Variants in NALCN observed in about 807,000 individuals in gnomAD.
NALCN encodes sodium leak channel, non-selective.
A neutral mutation model predicts 225.3 loss-of-function variants in NALCN; 111 were observed. The ratio of observed to expected loss-of-function variants is 0.49; its 90% CI spans 0.42 to 0.58. NALCN has a LOEUF of 0.58. Ranked by LOEUF, NALCN falls within the 20% of genes least tolerant of loss-of-function variation. NALCN has a pLI of 0.00. For missense variants in NALCN, 1,378 were observed against 2,202.4 expected, an observed-to-expected ratio of 0.63 and a Z score of 7.49; for synonymous variants, 764 against 769.0, an observed-to-expected ratio of 0.99 and a Z score of 0.11.
chr13:101,176,046 AATTAACTAT>A (rs1477114745), intron 15 of NALCN, among the ~76,000 whole-genome samples: 2 of 152,228 alleles, frequency 1.3e-5, no homozygotes, highest in Non-Finnish European at 2.9e-5. Flanking sequence ...CTCCAAATCC[AATTAACTAT>A]ACTCTGCCCA....
intron 11 of NALCN, among the ~76,000 whole-genome samples, chr13:101,253,874 T>C (rs2042133948): frequency 1.5e-5 from 2 of 135,984 alleles, no homozygotes; most frequent in Admixed American, 1.4e-4. Flanking sequence ...AGAAAGAGTT[T>C]GCCAAACCCT....
chr13:101,065,928 C>A (rs1252884851), intron 39 of NALCN, among the ~76,000 whole-genome samples: 1 of 152,122 alleles, frequency 6.6e-6, no homozygotes, highest in Non-Finnish European at 1.5e-5. Flanking sequence ...ACTGAGTGGG[C>A]CATAATGTAC....
intron 17 of NALCN, among the ~76,000 whole-genome samples, chr13:101,127,808 A>G (rs935451459): frequency 6.6e-6 from 1 of 152,232 alleles, no homozygotes; most frequent in Non-Finnish European, 1.5e-5. Context: ...TAAATAAAGA[A>G]GGCCTATAGT....
At chr13:101,062,171 A>G in intron 40 of NALCN, 53 bp from the exon 41 acceptor site, 1 of 1,584,384 alleles carries the variant, frequency 6.3e-7, no homozygotes, top group South Asian at 1.1e-5. Flanking sequence ...TGAGATTTAC[A>G]CCCTTAGATA....
At chr13:101,294,281 T>C (rs1179345689) in intron 7 of NALCN, among the ~76,000 whole-genome samples, 1 of 152,208 alleles carries the variant, frequency 6.6e-6, no homozygotes, top group Non-Finnish European at 1.5e-5. Context: ...GTGATTATAG[T>C]TAACAACAAT....
rs1030200055 is a variant in NALCN at position 101,314,093 on chromosome 13, T to C, written c.800-21727A>G. ...ATCAAACACCGCATGTTCTCACTCA[T>C]AGGTGGGAATTGAACAATGAGAACA... On this transcript the variant is annotated intron_variant, in intron 7 of 43. Transcript: ENST00000251127. Among the ~76,000 whole-genome samples the C allele has an allele frequency of 9.5e-5, 13 of 136,598 alleles. No homozygotes were observed. In the Admixed American group the frequency reaches 1.0e-3, roughly 11 times the overall value. 89.6% of individuals were successfully genotyped at this position (136,598 alleles called of 152,430 possible). A position where few individuals can be genotyped will look rare whatever the true frequency, so the allele number is the denominator to read the frequency against.
chr13:101,312,773 A>AG (rs2044396205), intron 7 of NALCN, among the ~76,000 whole-genome samples: 1 of 152,104 alleles, frequency 6.6e-6, no homozygotes, highest in Admixed American at 6.6e-5. Context: ...GGAGTGCTTT[A>AG]CTTCCAACTA....
At chr13:101,288,883 A>C (rs1184366290) in intron 9 of NALCN, among the ~76,000 whole-genome samples, 1 of 152,212 alleles carries the variant, frequency 6.6e-6, no homozygotes, top group Non-Finnish European at 1.5e-5. Flanking sequence ...AGTTGGGATA[A>C]GCTCATCTCC....
chr13:101,374,428 G>C (rs1197600333), intron 6 of NALCN, among the ~76,000 whole-genome samples: 2 of 151,800 alleles, frequency 1.3e-5, no homozygotes, highest in Non-Finnish European at 2.9e-5. Flanking sequence ...GGCATTACAG[G>C]TGCCTGTGCC....
intron 18 of NALCN, among the ~76,000 whole-genome samples, chr13:101,119,531 T>C (rs908569258): frequency 6.6e-6 from 1 of 152,202 alleles, no homozygotes; most frequent in East Asian, 1.9e-4. Flanking sequence ...TAATGTAAAA[T>C]GTTTAATTGT....
At chr13:101,378,711 T>G (rs1450245751) in intron 3 of NALCN, 58 bp from the exon 4 acceptor site, 7 of 1,401,842 alleles carry the variant, frequency 5.0e-6, no homozygotes, top group Non-Finnish European at 6.0e-6. Context: ...AAGAACAATC[T>G]GTGGAGGAAA....
intron 17 of NALCN, among the ~76,000 whole-genome samples, chr13:101,135,005 T>G (rs1185738812): frequency 2.6e-5 from 4 of 152,042 alleles, no homozygotes; most frequent in African/African-American, 2.4e-5. Flanking sequence ...CCATCCTGGC[T>G]AACACGGTGA....
At chr13:101,347,451 G>A (rs2045776800) in intron 6 of NALCN, among the ~76,000 whole-genome samples, 1 of 152,160 alleles carries the variant, frequency 6.6e-6, no homozygotes, top group South Asian at 2.1e-4. Flanking sequence ...ATTTTAGACA[G>A]ACACATCGTG....
intron 10 of NALCN, among the ~76,000 whole-genome samples, chr13:101,279,089 C>T (rs1214940374): frequency 1.3e-5 from 2 of 150,998 alleles, no homozygotes; most frequent in Non-Finnish European, 3.0e-5. Context: ...AATGGAATTT[C>T]CCCTGGTTGG....
chr13:101,084,648 A>G (rs7986657), intron 30 of NALCN, among the ~76,000 whole-genome samples: 42,037 of 152,184 alleles, frequency 0.28, 7,155 homozygotes, highest in East Asian at 0.49. Flanking sequence ...TATACTTTCC[A>G]TACAACTAGA....
In NALCN at chr13:101,104,019, T is replaced by C. The variant is rs1015829504; in HGVS notation, c.2889+276A>G. 1.3e-5 allele frequency among the ~76,000 whole-genome samples: 2 copies of C among 152,200 alleles called. No homozygotes were observed. Among genetic ancestry groups the C allele is most frequent in the African/African-American group, 4.8e-5 (2 of 41,462 alleles). On this transcript the variant is annotated intron_variant, in intron 25 of 43. Transcript: ENST00000251127. The surrounding 1 kb of genome is among the most constrained non-coding windows in gnomAD (Gnocchi z 4.2). Reference sequence around the variant, plus strand: ...TGTGGGATGCAAACTAGATTTGCCATGTTAGACCTTATTAATGTATGTCTC... The same window carrying C: ...TGTGGGATGCAAACTAGATTTGCCACGTTAGACCTTATTAATGTATGTCTC...
chr13:101,322,289 C>T (rs947763545), intron 7 of NALCN, among the ~76,000 whole-genome samples: 15 of 152,080 alleles, frequency 9.9e-5, no homozygotes, highest in Admixed American at 6.5e-4. Flanking sequence ...ACACAAAGTA[C>T]GTCAATGTGA....
intron 7 of NALCN, among the ~76,000 whole-genome samples, chr13:101,332,860 A>G (rs1486115278): frequency 6.6e-6 from 1 of 152,236 alleles, no homozygotes; most frequent in Non-Finnish European, 1.5e-5. Context: ...AAAGTTTGGA[A>G]ACAATGTCTG....
At chr13:101,070,152 C>T (rs887121070) in intron 37 of NALCN, among the ~76,000 whole-genome samples, 2 of 144,882 alleles carry the variant, frequency 1.4e-5, no homozygotes, top group Non-Finnish European at 3.0e-5. Context: ...CTGCAAGCTC[C>T]GCCTCCTGGG....
Sources: allele counts gnomAD v4.1 joint callset (sites outside exome capture counted in the v4.1 genomes callset), GRCh38; gene constraint gnomAD v4.1.1; non-coding constraint Gnocchi (gnomAD v3.1); transcripts MANE v1.5; gene names NCBI Gene and HGNC (gene_info 2026-07-23, HGNC 2026-07-21).